The following SCARA3 variants were observed in gnomAD, a reference collection of about 807,000 sequenced individuals.
SCARA3 encodes the protein scavenger receptor class A member 3, also known as cellular stress response gene protein.
In SCARA3, 39 loss-of-function variants were observed where a neutral mutation model predicts 47.0. The observed-to-expected ratio is 0.83, with a 90% CI of 0.64 to 1.08. The LOEUF (loss-of-function observed/expected upper bound fraction) is 1.08. Among genes scored for constraint, SCARA3 ranks in the 50% least tolerant of loss-of-function variants. The pLI is 0.00. For missense variants in SCARA3, 724 were observed against 792.3 expected, an observed-to-expected ratio of 0.91 and a Z score of 1.04; for synonymous variants, 356 against 334.1, an observed-to-expected ratio of 1.07 and a Z score of -0.71.
At chr8:27,682,258 T>C in the SCARA3 span, among the ~76,000 whole-genome samples, 2 of 152,224 alleles carry the variant, frequency 1.3e-5, no homozygotes, top group African/African-American at 4.8e-5. Context: ...TACCTCATCA[T>C]ATACACAAAA....
At chr8:27,715,879 T>C in the SCARA3 span, among the ~76,000 whole-genome samples, 1 of 151,718 alleles carries the variant, frequency 6.6e-6, no homozygotes, top group African/African-American at 2.4e-5. The surrounding 1 kb of genome is among the most constrained non-coding windows in gnomAD (Gnocchi z 4.2). Flanking sequence ...GATAGATAGA[T>C]AGAAAGAAAC....
At chr8:27,693,843 A>T in the SCARA3 span, among the ~76,000 whole-genome samples, 2 of 152,204 alleles carry the variant, frequency 1.3e-5, no homozygotes, top group Non-Finnish European at 2.9e-5. Flanking sequence ...ACCAATTGCC[A>T]ATCAGAAAGT....
chr8:27,731,025 G>GGCCT, the SCARA3 span, among the ~76,000 whole-genome samples: 1 of 150,740 alleles, frequency 6.6e-6, no homozygotes, highest in South Asian at 2.1e-4. Flanking sequence ...GTTAACAGAG[G>GGCCT]GCCTGCAGGG....
the SCARA3 span, among the ~76,000 whole-genome samples, chr8:27,724,351 A>G: frequency 6.6e-6 from 1 of 152,198 alleles, no homozygotes; most frequent in Non-Finnish European, 1.5e-5. Context: ...AGATTAAAGT[A>G]AAATCAGGAG....
At chr8:27,723,525 C>T in the SCARA3 span, among the ~76,000 whole-genome samples, 17,748 of 152,148 alleles carry the variant, frequency 0.12, 1,121 homozygotes, top group African/African-American at 0.17. Flanking sequence ...CTTCATCTAC[C>T]ACGTTCTGGA....
intron 4 of SCARA3, 104 bp from the exon 5 acceptor site, chr8:27,658,392 G>T: frequency 9.1e-7 from 1 of 1,101,192 alleles, no homozygotes; most frequent in Non-Finnish European, 1.3e-6. Context: ...GTTGGTTTGG[G>T]AAGCTACTAA....
the SCARA3 span, among the ~76,000 whole-genome samples, chr8:27,682,693 T>C: frequency 1.3e-5 from 2 of 152,226 alleles, no homozygotes; most frequent in African/African-American, 4.8e-5. Flanking sequence ...CATAATAGAA[T>C]AGTTAAAATT....
intron 5 of SCARA3, among the ~76,000 whole-genome samples, chr8:27,670,438 C>G (rs1349895640): frequency 6.6e-6 from 1 of 152,178 alleles, no homozygotes; most frequent in East Asian, 1.9e-4. Flanking sequence ...TCACTGTGCC[C>G]ACTTACTCAT....
chr8:27,700,200 C>G, the SCARA3 span, among the ~76,000 whole-genome samples: 2 of 151,600 alleles, frequency 1.3e-5, no homozygotes, highest in Non-Finnish European at 2.9e-5. Context: ...TTAAAATATC[C>G]CTTTAAGAAC....
chr8:27,660,618 T>TAGATAGATAGATAGATA (rs1554539818), intron 5 of SCARA3, among the ~76,000 whole-genome samples: 23 of 130,882 alleles, frequency 1.8e-4, no homozygotes, highest in Non-Finnish European at 1.5e-4. Flanking sequence ...TAGAGATAGA[T>TAGATAGATAGATAGATA]GATAGATAGA....
At chr8:27,663,917 C>T (rs1801963401) in intron 5 of SCARA3, among the ~76,000 whole-genome samples, 1 of 152,226 alleles carries the variant, frequency 6.6e-6, no homozygotes, top group Admixed American at 6.5e-5. Context: ...TGGCAAATGA[C>T]TAGAAATACG....
At chr8:27,656,184 A>G (rs1801740068) in intron 3 of SCARA3, among the ~76,000 whole-genome samples, 1 of 152,254 alleles carries the variant, frequency 6.6e-6, no homozygotes, top group Admixed American at 6.5e-5. Flanking sequence ...GACCATATTT[A>G]CATAACTTTT....
chr8:27,637,867 C>T (rs1048743410), intron 1 of SCARA3, among the ~76,000 whole-genome samples: 2 of 151,998 alleles, frequency 1.3e-5, no homozygotes, highest in African/African-American at 2.4e-5. Flanking sequence ...CACTCATGAG[C>T]GGCCAGGCTG....
At chr8:27,685,541 A>G in the SCARA3 span, among the ~76,000 whole-genome samples, 166 of 152,342 alleles carry the variant, frequency 1.1e-3, 1 homozygote, top group Non-Finnish European at 4.7e-4. Context: ...TTGAGCATGC[A>G]TTTACAGTTT....
chr8:27,695,929 A>C, the SCARA3 span, among the ~76,000 whole-genome samples: 1 of 152,182 alleles, frequency 6.6e-6, no homozygotes, highest in South Asian at 2.1e-4. Context: ...GACACTCAAA[A>C]AAAAACTTTG....
At chr8:27,695,273 T>C in the SCARA3 span, among the ~76,000 whole-genome samples, 2 of 152,190 alleles carry the variant, frequency 1.3e-5, no homozygotes, top group South Asian at 4.1e-4. Context: ...AATCTGAGTT[T>C]GGAGATTGAG....
chr8:27,673,116 TC>T (rs201625957), downstream of SCARA3: 8 of 539,902 alleles, frequency 1.5e-5, no homozygotes, highest in East Asian at 1.5e-4. Flanking sequence ...GTGACGAGGG[TC>T]CCCCAAAAAT....
At chr8:27,711,860 C>T in the SCARA3 span, among the ~76,000 whole-genome samples, 1 of 152,136 alleles carries the variant, frequency 6.6e-6, no homozygotes, top group Non-Finnish European at 1.5e-5. Context: ...TTATTAACCT[C>T]CCCCACCACA....
At chr8:27,689,554 GC>G in the SCARA3 span, among the ~76,000 whole-genome samples, 1 of 152,186 alleles carries the variant, frequency 6.6e-6, no homozygotes, top group Non-Finnish European at 1.5e-5. Flanking sequence ...GATTACCAAG[GC>G]CCTCTCTTCG....
Sources: allele counts gnomAD v4.1 joint callset (sites outside exome capture counted in the v4.1 genomes callset), GRCh38; gene constraint gnomAD v4.1.1; non-coding constraint Gnocchi (gnomAD v3.1); transcripts MANE v1.5; gene names NCBI Gene and HGNC (gene_info 2026-07-23, HGNC 2026-07-21).